Variants in CEP170 observed in about 807,000 individuals in gnomAD.
CEP170 encodes centrosomal protein 170, also known as centrosomal protein of 170 kDa.
A neutral mutation model predicts 151.9 loss-of-function variants in CEP170; 21 were observed. That is an observed-to-expected ratio of 0.14 (90% CI 0.10 to 0.20). The LOEUF (loss-of-function observed/expected upper bound fraction) is 0.20. Ranked by LOEUF, CEP170 falls within the 10% of genes least tolerant of loss-of-function variation. The pLI is 1.00. For synonymous variants in CEP170, 356 were observed against 648.8 expected (o/e 0.55, Z 6.86); for missense variants, 964 against 1,892.9 (o/e 0.51, Z 9.11).
intron 4 of CEP170, among the ~76,000 whole-genome samples, chr1:243,209,933 T>G (rs1322882394): frequency 1.3e-5 from 2 of 152,136 alleles, no homozygotes; most frequent in African/African-American, 4.8e-5. Context: ...GACCTCATGA[T>G]CCGCCTGCCT....
At chr1:243,127,871 T>C (rs1262546875) in intron 19 of CEP170, among the ~76,000 whole-genome samples, 1 of 152,180 alleles carries the variant, frequency 6.6e-6, no homozygotes, top group African/African-American at 2.4e-5. Context: ...GTAAGTTTGT[T>C]TCAGGTTACA....
At chr1:243,221,874 T>C in intron 2 of CEP170, 61 bp from the exon 3 acceptor site, 1 of 1,468,298 alleles carries the variant, frequency 6.8e-7, no homozygotes, top group South Asian at 1.3e-5. Context: ...ACCAGTCACA[T>C]TTTGGCTAGA....
intron 10 of CEP170, among the ~76,000 whole-genome samples, chr1:243,177,753 C>T (rs535242454): frequency 1.3e-5 from 2 of 152,082 alleles, no homozygotes; most frequent in Non-Finnish European, 2.9e-5. Flanking sequence ...CCTTAAAATT[C>T]CATGGAATAA....
At chr1:243,215,450 T>TG (rs2062182184) in intron 3 of CEP170, among the ~76,000 whole-genome samples, 1 of 152,178 alleles carries the variant, frequency 6.6e-6, no homozygotes, top group Non-Finnish European at 1.5e-5. Context: ...AATGCGTTCC[T>TG]AGTGGGAGGT....
intron 10 of CEP170, among the ~76,000 whole-genome samples, chr1:243,183,892 G>A (rs1453002097): frequency 6.6e-6 from 1 of 152,180 alleles, no homozygotes; most frequent in African/African-American, 2.4e-5. Flanking sequence ...GGCAACAGGT[G>A]TAAAACAGGT....
chr1:243,163,170 G>T (rs1053929798), intron 13 of CEP170: 1 of 152,184 alleles, frequency 6.6e-6, no homozygotes, highest in Non-Finnish European at 1.5e-5. Context: ...TTCCTTTAGG[G>T]TCTTGTAGGA....
At chr1:243,245,374 G>A (rs1263636430) in intron 1 of CEP170, among the ~76,000 whole-genome samples, 3 of 151,956 alleles carry the variant, frequency 2.0e-5, no homozygotes, top group Admixed American at 6.6e-5. Flanking sequence ...GAGCCCAGGA[G>A]TTTGAGACCA....
intron 10 of CEP170, among the ~76,000 whole-genome samples, chr1:243,175,428 A>G (rs2059160887): frequency 6.6e-6 from 1 of 152,218 alleles, no homozygotes; most frequent in African/African-American, 2.4e-5. Flanking sequence ...AAAATTAATG[A>G]TAGCAATGAC....
intron 7 of CEP170, among the ~76,000 whole-genome samples, chr1:243,198,406 A>G (rs1213827589): frequency 6.6e-6 from 1 of 152,056 alleles, no homozygotes; most frequent in African/African-American, 2.4e-5. Context: ...TGCCAAACTC[A>G]ACTAATCTTG....
chr1:243,222,444 T>G (rs1350098285), intron 2 of CEP170, among the ~76,000 whole-genome samples: 1 of 152,198 alleles, frequency 6.6e-6, no homozygotes, highest in East Asian at 1.9e-4. Context: ...TCTCTCTGTC[T>G]CTCTCCAGAG....
chr1:243,246,432 A>G (rs933800499), intron 1 of CEP170, among the ~76,000 whole-genome samples: 1 of 151,992 alleles, frequency 6.6e-6, no homozygotes, highest in Non-Finnish European at 1.5e-5. Context: ...GGGTTTCCCC[A>G]TGTTGGCCAG....
intron 14 of CEP170, among the ~76,000 whole-genome samples, chr1:243,148,299 G>A (rs550435431): frequency 8.9e-4 from 135 of 151,428 alleles, no homozygotes; most frequent in African/African-American, 2.9e-3. Context: ...AGCTGGGCGC[G>A]GTGGCTCATG....
At chr1:243,254,467 T>G (rs1361433451) in intron 1 of CEP170, 3 of 152,200 alleles carry the variant, frequency 2.0e-5, no homozygotes, top group Non-Finnish European at 2.9e-5. Flanking sequence ...GCAGGGTGCA[T>G]GACACCGCGT....
At position 243,183,777 on chromosome 1, in the gene CEP170, T is replaced by A. The variant is rs549864963; in HGVS notation, c.1566+2002A>T. Reference sequence around the variant, plus strand: ...CACACACTACCATTACTCCTTTAAATGACTCCTGCTCTAAAGTCTTGGGTT... The same window carrying A: ...CACACACTACCATTACTCCTTTAAAAGACTCCTGCTCTAAAGTCTTGGGTT... On this transcript the variant is annotated intron_variant, in intron 10 of 19. Coordinates refer to ENST00000366542, the MANE Select transcript of CEP170 (RefSeq NM_014812.3). 3.4e-3 allele frequency among the ~76,000 whole-genome samples: 519 copies of A among 152,290 alleles called. 1 individual carries two copies. The highest frequency in any genetic ancestry group is 0.012 in the African/African-American group (491 of 41,570).
At chr1:243,242,676 G>A in intron 1 of CEP170, among the ~76,000 whole-genome samples, 1 of 151,792 alleles carries the variant, frequency 6.6e-6, no homozygotes, top group East Asian at 1.9e-4. Flanking sequence ...ATTTGTTCAT[G>A]CCTCTCCAAT....
In CEP170 at chr1:243,164,673, C is replaced by T. The variant is rs746089298; in HGVS notation, c.3287G>A (p.Arg1096Gln). 6.2e-7 allele frequency: 1 copy of T among 1,613,534 alleles called. No individual in the cohort carries two copies. ...GCGCAAGAGGGAAGTCCTGGTAGGT[C>T]GTGGCCTTGGAAGGGTGGTTGATTT... is the stretch of plus-strand genomic sequence containing the variant. ...SSKSTTLPRP[R>Q]PTRTSLLRRA... Residue 1096 changes from arginine (R) to glutamine (Q), a missense_variant, in exon 13 of 20, where the codon CGA (arginine) becomes CAA (glutamine). By Grantham distance (43) the Arg-to-Gln change is conservative (BLOSUM62 1). Coordinates refer to ENST00000366542, the MANE Select transcript of CEP170 (RefSeq NM_014812.3).
chr1:243,213,122 T>C (rs2061966185), intron 3 of CEP170, among the ~76,000 whole-genome samples: 1 of 152,136 alleles, frequency 6.6e-6, no homozygotes, highest in African/African-American at 2.4e-5. Context: ...TTTTTTTTTC[T>C]TTTTTTGGTA....
intron 13 of CEP170, among the ~76,000 whole-genome samples, chr1:243,157,637 C>T (rs966024296): frequency 1.3e-5 from 2 of 152,160 alleles, no homozygotes; most frequent in African/African-American, 4.8e-5. Flanking sequence ...TAGAAACTGA[C>T]CCTAAGCTGC....
At chr1:243,192,404 TAAATAA>T (rs2060360786) in intron 7 of CEP170, among the ~76,000 whole-genome samples, 1 of 151,958 alleles carries the variant, frequency 6.6e-6, no homozygotes, top group East Asian at 1.9e-4. Flanking sequence ...ATAAAATACA[TAAATAA>T]AAATGACAAC....
Sources: gnomAD v4.1 joint callset for allele counts (sites outside exome capture counted in the v4.1 genomes callset) on GRCh38, gnomAD v4.1.1 for gene constraint, MANE v1.5 for transcripts, NCBI Gene and HGNC (gene_info 2026-07-23, HGNC 2026-07-21) for gene names.